The following PCNX3 variants were observed in gnomAD, a reference collection of about 807,000 sequenced individuals.
PCNX3 encodes the protein pecanex-like protein 3.
In PCNX3, 58 loss-of-function variants were observed where a neutral mutation model predicts 207.2. The ratio of observed to expected loss-of-function variants is 0.28; its 90% CI spans 0.23 to 0.35. The LOEUF (loss-of-function observed/expected upper bound fraction) is 0.35. Ranked by LOEUF, PCNX3 falls within the 10% of genes least tolerant of loss-of-function variation. The pLI is 1.00. For missense variants in PCNX3, 2,410 were observed against 2,774.4 expected (o/e 0.87, Z 2.95); for synonymous variants, 1,337 against 1,183.5 (o/e 1.13, Z -2.66).
chr11:65,629,317 C>T, intron 24 of PCNX3, 40 bp from the exon 25 acceptor site: 1 of 1,590,338 alleles, frequency 6.3e-7, no homozygotes, highest in Non-Finnish European at 8.6e-7. Context: ...CCTCTCTTCA[C>T]CTTCTTGGCC....
At chr11:65,624,790 G>T in intron 15 of PCNX3, 135 bp from the exon 16 acceptor site, 1 of 990,858 alleles carries the variant, frequency 1.0e-6, no homozygotes, top group Non-Finnish European at 1.5e-6. Context: ...CTTGGGGCTT[G>T]GGGCAGCAGA....
rs766731844 is a variant in PCNX3 at position 65,624,308 on chromosome 11, C to G, written c.2658C>G (p.Leu886=). Reference sequence around the variant, plus strand: ...CTCAGCCCTTCCCACCTGTCTCCCTCTACGGCCTCACGCTCTTCTCTGCCT... The same window carrying G: ...CTCAGCCCTTCCCACCTGTCTCCCTGTACGGCCTCACGCTCTTCTCTGCCT... ...GSAQPFPPVS[L]YGLTLFSASF... Residue 886 remains leucine, a synonymous_variant, in exon 14 of 35, where the codon CTC becomes CTG. Transcript: ENST00000355703. 4.5e-5 allele frequency: 71 copies of G among 1,575,766 alleles called. No individual in the cohort carries two copies. Among genetic ancestry groups the G allele is most frequent in the Non-Finnish European group, 5.6e-5 (65 of 1,160,162 alleles).
At chr11:65,623,878 C>T in intron 12 of PCNX3, 51 bp from the exon 13 acceptor site, 3 of 1,611,584 alleles carry the variant, frequency 1.9e-6, no homozygotes, top group Non-Finnish European at 2.5e-6. Context: ...GGGCCTCTGA[C>T]CATCCCGTGG....
In PCNX3 at chr11:65,623,582, A is replaced by G. The variant is rs1171937241; in HGVS notation, c.2449A>G (p.Thr817Ala). Residue 817 changes from threonine (T) to alanine (A), a missense_variant, in exon 12 of 35, where the codon ACT becomes GCT. Transcript: ENST00000355703. ...GYLLLLKGFF[T>A]DIWVFQFCLV... ...CCTGCTGCTGCTCAAGGGCTTCTTC[A>G]CTGACATCTGGGTCTTCCAGTTCTG... 7 of 1,613,906 alleles carry G rather than the reference A, an allele frequency of 4.3e-6. No homozygotes were observed. Among genetic ancestry groups the G allele is most frequent in the Non-Finnish European group, 5.9e-6 (7 of 1,179,846 alleles).
In PCNX3 at chr11:65,626,865, T is replaced by C. The variant is rs557287392; in HGVS notation, c.3380-39T>C. ...AGGACTTCCTCAGGGAAGGCAGGCA[T>C]GTGGAAGCCAGGTGCAGAGTCCTGG... is the stretch of plus-strand genomic sequence containing the variant. On this transcript the variant is annotated intron_variant, in intron 20 of 34. Coordinates refer to ENST00000355703, the MANE Select transcript of PCNX3 (RefSeq NM_032223.4). The C allele has an allele frequency of 4.5e-6, 7 of 1,565,094 alleles. No individual in the cohort carries two copies. The South Asian group carries it at 4.7e-5, about 11-fold the overall frequency.
Position 65,635,821 on chromosome 11 carries a change from G to C in PCNX3, c.5459+18G>C, listed in dbSNP as rs1855808698. 1.3e-6 allele frequency: 2 copies of C among 1,594,928 alleles called. No individual in the cohort carries two copies. Among genetic ancestry groups the C allele is most frequent in the Non-Finnish European group, 1.7e-6 (2 of 1,170,328 alleles). On this transcript the variant is annotated intron_variant, in intron 32 of 34. Coordinates refer to ENST00000355703, the MANE Select transcript of PCNX3 (RefSeq NM_032223.4). This position sits in a 1 kb window ranked among gnomAD's most constrained non-coding sequence, Gnocchi z 9.9. ...TGGGAGAGGTGAGGCCTCGGGAAGG[G>C]GTGACGTGTGGCGCGGGAGGAAGCT...
intron 27 of PCNX3, among the ~76,000 whole-genome samples, chr11:65,632,601 G>A (rs1855660870): frequency 7.4e-6 from 1 of 135,212 alleles, no homozygotes; most frequent in Non-Finnish European, 1.6e-5. Flanking sequence ...CAGGCGGAGC[G>A]GCTGCTGGTA....
chr11:65,617,016 G>T lies in PCNX3; in HGVS notation c.341+5G>T. 1.9e-6 allele frequency: 3 copies of T among 1,603,002 alleles called. No homozygotes were observed. Among genetic ancestry groups the T allele is most frequent in the Non-Finnish European group, 2.6e-6 (3 of 1,175,190 alleles). ...GGGGGACAGCAATCCACCCAGGTGGGTGGGGTAGGGGCTGTGCTGGGGATT... is the reference window on the plus strand; with the variant it reads ...GGGGGACAGCAATCCACCCAGGTGGTTGGGGTAGGGGCTGTGCTGGGGATT... On this transcript the variant is annotated splice_donor_5th_base_variant and intron_variant, in intron 2 of 34. Transcript: ENST00000355703.
At position 65,635,028 on chromosome 11, in the gene PCNX3, A is replaced by T; in HGVS notation, c.4861A>T (p.Thr1621Ser). Residue 1621 changes from threonine to serine, a missense_variant, in exon 30 of 35, where the codon ACC (threonine) becomes TCC (serine). Thr to Ser is a moderately conservative substitution (Grantham distance 58). Around this residue, in one of 8 missense-constraint regions of PCNX3, gnomAD observed 420 missense variants for 705.3 expected, o/e 0.60. Transcript: ENST00000355703. This position sits in a 1 kb window ranked among gnomAD's most constrained non-coding sequence, Gnocchi z 9.9. ...HALFKGDFRI[T>S]SPRDEWVFAD... is the part of the protein sequence containing the mutation. Reference sequence around the variant, plus strand: ...CCTGTTCAAGGGGGATTTTCGCATCACCTCCCCACGTGACGAGTGGGTCTT... The same window carrying T: ...CCTGTTCAAGGGGGATTTTCGCATCTCCTCCCCACGTGACGAGTGGGTCTT... 1 of 1,612,258 alleles carries T rather than the reference A, an allele frequency of 6.2e-7. No homozygotes were observed. Among genetic ancestry groups the T allele is most frequent in the South Asian group, 1.1e-5 (1 of 91,010 alleles).
rs755813662 is a variant in PCNX3 at position 65,626,029 on chromosome 11, G to A, written c.3354G>A (p.Leu1118=). The change falls in exon 20 of 35, where the codon CTG becomes CTA. Residue 1118 remains leucine (L), a synonymous_variant. Transcript: ENST00000355703. The part of the protein sequence containing the change: ...FCLSQPVLKP[L]EYSQYEVRGA... ...TGTCACAGCCCGTGCTGAAGCCGCT[G>A]GAGTACAGCCAGTATGAAGTGCGCG... 6.8e-6 allele frequency: 11 copies of A among 1,611,086 alleles called. No individual in the cohort carries two copies. Among genetic ancestry groups the A allele is most frequent in the Admixed American group, 3.4e-5 (2 of 59,630 alleles).
intron 10 of PCNX3, among the ~76,000 whole-genome samples, chr11:65,621,704 G>T (rs1484697161): frequency 6.6e-6 from 1 of 152,230 alleles, no homozygotes; most frequent in African/African-American, 2.4e-5. Flanking sequence ...GCAGGGCCGG[G>T]CCCATAGCTG....
In PCNX3 at chr11:65,619,108, C is replaced by T. The variant is rs747927402; in HGVS notation, c.1705+41C>T. ...AGAGGCAGGGGCTGGGGGACGTGAG[C>T]TACGGGCTTGGGGTTGGGCAAAGGG... is the stretch of plus-strand genomic sequence containing the variant. On this transcript the variant is annotated intron_variant, in intron 6 of 34. Transcript: ENST00000355703. 4 of 1,509,668 alleles carry T rather than the reference C, an allele frequency of 2.6e-6. No individual in the cohort carries two copies. The African/African-American group carries it at 4.1e-5, about 15-fold the overall frequency. The allele number at this position is 1,509,668 out of a possible 1,614,324, so 93.5% of individuals were successfully genotyped here.
At chr11:65,622,116 A>G (rs1334016563) in intron 10 of PCNX3, 129 bp from the exon 11 acceptor site, 1 of 1,424,508 alleles carries the variant, frequency 7.0e-7, no homozygotes, top group African/African-American at 1.5e-5. Flanking sequence ...GCTGATGGAA[A>G]TGGTCAACCA....
Position 65,620,906 on chromosome 11 carries a change from G to C in PCNX3, c.2175G>C (p.Gln725His), listed in dbSNP as rs1256138227. The stretch of plus-strand genomic sequence containing the variant: ...CTACAGGCGGCCTGAACCTGCTGCA[G>C]CCGAGGCCTGTGGTTCTGCAGGGCA... ...PEATGGLNLL[Q>H]PRPVVLQGMQ... The change falls in exon 10 of 35, where the codon CAG (glutamine) becomes CAC (histidine). Residue 725 changes from glutamine (Q) to histidine (H), a missense_variant. Physicochemically the swap from Gln to His is conservative, Grantham distance 24. This residue lies in a region of PCNX3 where 177 missense variants were observed against 257.5 expected (regional missense o/e 0.69). Coordinates refer to ENST00000355703, the MANE Select transcript of PCNX3 (RefSeq NM_032223.4). 1 of 1,565,818 alleles carries C rather than the reference G, an allele frequency of 6.4e-7. No homozygotes were observed. Among genetic ancestry groups the C allele is most frequent in the Non-Finnish European group, 8.7e-7 (1 of 1,155,980 alleles).
chr11:65,616,847 G>T lies in PCNX3; in HGVS notation c.177G>T (p.Val59=), dbSNP rs942103945. Residue 59 remains valine, a synonymous_variant, in exon 2 of 35, where the codon GTG becomes GTT. Coordinates refer to ENST00000355703, the MANE Select transcript of PCNX3 (RefSeq NM_032223.4). ...AGGTCCTGCCTCCCAGCTTGATGGT[G>T]GCCGGCGTGTACTGCCTCGTGGTGG... ...LYMVLPPSLM[V]AGVYCLVVAV... is the part of the protein sequence containing the mutation. 1 of 1,613,088 alleles carries T rather than the reference G, an allele frequency of 6.2e-7. No homozygotes were observed. The highest frequency in any genetic ancestry group is 1.7e-5 in the Admixed American group (1 of 59,996).
At chr11:65,619,137 G>C in intron 6 of PCNX3, 70 bp downstream of exon 6, 1 of 1,268,824 alleles carries the variant, frequency 7.9e-7, no homozygotes, top group Non-Finnish European at 1.1e-6. Context: ...CAAAGGGCAG[G>C]TAAGAATGGA....
intron 22 of PCNX3, among the ~76,000 whole-genome samples, 193 bp downstream of exon 22, chr11:65,627,775 G>C (rs2135456397): frequency 6.6e-6 from 1 of 152,262 alleles, no homozygotes; most frequent in African/African-American, 2.4e-5. Context: ...GAAGGAGGTT[G>C]AGGGACTTGC....
In PCNX3 at chr11:65,636,753, C is replaced by T. The variant is rs950247398; in HGVS notation, c.5893-13C>T. The T allele has an allele frequency of 5.2e-6, 8 of 1,544,176 alleles. No homozygotes were observed. The Middle Eastern group carries it at 6.7e-4, about 129-fold the overall frequency. On this transcript the variant is annotated splice_polypyrimidine_tract_variant and intron_variant, in intron 34 of 34. Transcript: ENST00000355703. ...AGGCCTGCTCACCCGCCAACCTCTC[C>T]CCCCTCCCCCAGGCGCCTCTAGACC...
intron 28 of PCNX3, 85 bp downstream of exon 28, chr11:65,634,441 C>T: frequency 6.6e-7 from 1 of 1,504,826 alleles, no homozygotes; most frequent in Non-Finnish European, 9.0e-7. Context: ...GGTTTCCTCT[C>T]ACTCTGAGCC....
Sources: allele counts gnomAD v4.1 joint callset (sites outside exome capture counted in the v4.1 genomes callset), GRCh38; gene constraint gnomAD v4.1.1; regional missense constraint gnomAD v4.1.1; non-coding constraint Gnocchi (gnomAD v3.1); transcripts MANE v1.5; gene names NCBI Gene and HGNC (gene_info 2026-07-23, HGNC 2026-07-21).